DGKB: variants seen among roughly 807,000 people sequenced by gnomAD.
The protein encoded by DGKB is diacylglycerol kinase beta.
DGKB carries 67 observed loss-of-function variants against 114.3 expected under a neutral mutation model. That is an observed-to-expected ratio of 0.59 (90% confidence interval 0.48 to 0.72). The LOEUF (loss-of-function observed/expected upper bound fraction) is 0.72. Among genes scored for constraint, DGKB ranks in the 30% least tolerant of loss-of-function variants. The pLI, the probability that DGKB is intolerant of heterozygous loss-of-function variation, is 0.00. For missense variants in DGKB, 907 were observed against 975.2 expected (o/e 0.93, Z 0.93); for synonymous variants, 398 against 323.1 (o/e 1.23, Z -2.49).
At chr7:14,628,305 T>TTGTGTGTGTGTGTGTGTGTGTGTG in intron 14 of DGKB, among the ~76,000 whole-genome samples, 1 of 98,102 alleles carries the variant, frequency 1.0e-5, no homozygotes, top group South Asian at 4.0e-4. Flanking sequence ...ATAACACAAG[T>TTGTGTGTGTGTGTGTGTGTGTGTG]TATGTGTGTG....
chr7:14,480,074 T>G (rs775519904), intron 20 of DGKB, among the ~76,000 whole-genome samples: 1 of 151,924 alleles, frequency 6.6e-6, no homozygotes, highest in Non-Finnish European at 1.5e-5. Context: ...ATTTTTGTAA[T>G]GACAAATTTC....
At chr7:14,239,704 T>G (rs1276498939) in intron 23 of DGKB, among the ~76,000 whole-genome samples, 4 of 152,090 alleles carry the variant, frequency 2.6e-5, no homozygotes, top group Non-Finnish European at 5.9e-5. Flanking sequence ...ATACCTGGTG[T>G]GGGTCAGGAG....
intron 9 of DGKB, among the ~76,000 whole-genome samples, chr7:14,693,040 A>T (rs1408720745): frequency 6.6e-6 from 1 of 152,192 alleles, no homozygotes; most frequent in Non-Finnish European, 1.5e-5. Flanking sequence ...ATCTTGAGAA[A>T]TGACTTTTAA....
intron 21 of DGKB, among the ~76,000 whole-genome samples, chr7:14,437,884 C>T (rs184622202): frequency 1.0e-3 from 156 of 151,204 alleles, no homozygotes; most frequent in Admixed American, 2.7e-3. Context: ...CTTTACATAA[C>T]TGAAAAACAC....
intron 21 of DGKB, among the ~76,000 whole-genome samples, chr7:14,391,814 A>G (rs184393848): frequency 1.8e-4 from 28 of 152,364 alleles, no homozygotes; most frequent in Admixed American, 7.8e-4. Context: ...GTTAAAATAA[A>G]TGCAAAATGC....
At chr7:14,704,460 A>AAAAAG (rs1554610486) in intron 6 of DGKB, among the ~76,000 whole-genome samples, 1 of 149,880 alleles carries the variant, frequency 6.7e-6, no homozygotes, top group African/African-American at 2.5e-5. Context: ...AAAAAAAAAA[A>AAAAAG]AAAAGAAAAA....
At chr7:14,869,294 T>C (rs1852120776) in intron 1 of DGKB, among the ~76,000 whole-genome samples, 1 of 152,218 alleles carries the variant, frequency 6.6e-6, no homozygotes, top group Admixed American at 6.5e-5. Context: ...CATTGGGGTT[T>C]ACCTTGGAGA....
At chr7:14,861,550 T>C (rs1201888705) in intron 1 of DGKB, among the ~76,000 whole-genome samples, 2 of 152,020 alleles carry the variant, frequency 1.3e-5, no homozygotes, top group African/African-American at 4.8e-5. Context: ...GTACCTGCTA[T>C]GCAGTTTATG....
At chr7:14,658,278 A>T (rs1319200764) in intron 13 of DGKB, among the ~76,000 whole-genome samples, 1 of 151,978 alleles carries the variant, frequency 6.6e-6, no homozygotes, top group Non-Finnish European at 1.5e-5. Flanking sequence ...ACATAGATGG[A>T]ACTGGAGGTC....
intron 21 of DGKB, among the ~76,000 whole-genome samples, chr7:14,408,145 A>G (rs1413005967): frequency 6.6e-6 from 1 of 152,182 alleles, no homozygotes; most frequent in Non-Finnish European, 1.5e-5. Flanking sequence ...AAGTAGGCAC[A>G]TCCCTCTTTC....
chr7:14,670,218 G>T (rs1818722380), intron 13 of DGKB, among the ~76,000 whole-genome samples: 1 of 151,818 alleles, frequency 6.6e-6, no homozygotes, highest in Non-Finnish European at 1.5e-5. Flanking sequence ...TTGTGTGTGT[G>T]CATGTGTGTG....
intron 16 of DGKB, among the ~76,000 whole-genome samples, chr7:14,612,242 T>C (rs1050258622): frequency 6.6e-6 from 1 of 151,498 alleles, no homozygotes; most frequent in African/African-American, 2.4e-5. Context: ...TGGCACGATC[T>C]TGGCTTACTG....
intron 13 of DGKB, among the ~76,000 whole-genome samples, chr7:14,653,658 A>T (rs571924936): frequency 2.9e-4 from 26 of 89,980 alleles, no homozygotes; most frequent in African/African-American, 1.6e-3. Flanking sequence ...AGTATAATTT[A>T]AAAAAAAAAA....
chr7:14,645,334 G>A (rs1390866469), intron 13 of DGKB, among the ~76,000 whole-genome samples: 1 of 152,074 alleles, frequency 6.6e-6, no homozygotes, highest in Admixed American at 6.6e-5. Context: ...TGAACTGCAG[G>A]AGCAAAAGAG....
intron 1 of DGKB, among the ~76,000 whole-genome samples, chr7:14,921,208 G>A (rs183652746): frequency 6.6e-6 from 1 of 152,160 alleles, no homozygotes; most frequent in African/African-American, 2.4e-5. Context: ...GATTTTTAGG[G>A]TGTCAAAACT....
intron 1 of DGKB, among the ~76,000 whole-genome samples, chr7:14,944,704 T>C (rs1334009415): frequency 6.6e-6 from 1 of 151,460 alleles, no homozygotes; most frequent in Non-Finnish European, 1.5e-5. Context: ...TTGCTACTCA[T>C]AGGGACATCT....
chr7:14,217,198 T>C (rs1000425840), intron 23 of DGKB, among the ~76,000 whole-genome samples: 2 of 150,446 alleles, frequency 1.3e-5, no homozygotes, highest in African/African-American at 4.9e-5. Context: ...AAAGTCCTAT[T>C]TATTTATTAA....
intron 23 of DGKB, among the ~76,000 whole-genome samples, chr7:14,304,579 T>A (rs979530288): frequency 6.6e-6 from 1 of 152,190 alleles, no homozygotes; most frequent in Non-Finnish European, 1.5e-5. Flanking sequence ...TTCTTTTCGA[T>A]AACTAGCCAA....
rs1255387056 is a variant in DGKB at position 14,382,428 on chromosome 7, G to A, written c.1836-37037C>T. Reference sequence around the variant, plus strand: ...TTATCTATTGCTAATAATCTTTTCAGTGCTTACATATGTGCATGCCTGTAC... The same window carrying A: ...TTATCTATTGCTAATAATCTTTTCAATGCTTACATATGTGCATGCCTGTAC... On this transcript the variant is annotated intron_variant, in intron 21 of 25. Coordinates refer to ENST00000402815, the MANE Select transcript of DGKB (RefSeq NM_001350709.2). 3.8e-4 allele frequency among the ~76,000 whole-genome samples: 56 copies of A among 146,260 alleles called. 1 individual carries two copies. Among genetic ancestry groups the A allele is most frequent in the Non-Finnish European group, 1.2e-4 (8 of 66,764 alleles).
Sources: allele counts gnomAD v4.1 joint callset (sites outside exome capture counted in the v4.1 genomes callset), GRCh38; gene constraint gnomAD v4.1.1; transcripts MANE v1.5; gene names NCBI Gene and HGNC (gene_info 2026-07-23, HGNC 2026-07-21).